TMPRSS11D: variants seen among roughly 807,000 people sequenced by gnomAD.
TMPRSS11D encodes the protein transmembrane protease serine 11D.
A neutral mutation model predicts 44.4 loss-of-function variants in TMPRSS11D; 32 were observed. The observed-to-expected ratio is 0.72, with a 90% CI of 0.54 to 0.97. The LOEUF (loss-of-function observed/expected upper bound fraction) is 0.97. Among genes scored for constraint, TMPRSS11D ranks in the 50% least tolerant of loss-of-function variants. The pLI, the probability that TMPRSS11D is intolerant of heterozygous loss-of-function variation, is 0.00. For missense variants in TMPRSS11D, 446 were observed against 502.6 expected (o/e 0.89, Z 1.08); for synonymous variants, 179 against 177.9 (o/e 1.01, Z -0.05).
intron 2 of TMPRSS11D, among the ~76,000 whole-genome samples, chr4:67,857,670 A>C (rs1353470843): frequency 3.3e-5 from 5 of 152,148 alleles, no homozygotes; most frequent in African/African-American, 9.7e-5. Flanking sequence ...TGATCTCATC[A>C]ATGTAGAGAG....
intron 3 of TMPRSS11D, among the ~76,000 whole-genome samples, chr4:67,848,750 T>C (rs983654837): frequency 2.0e-5 from 3 of 152,084 alleles, no homozygotes; most frequent in Non-Finnish European, 4.4e-5. Context: ...AGGTTGTACT[T>C]AAGGAATGAA....
intron 4 of TMPRSS11D, 109 bp downstream of exon 4, chr4:67,842,449 T>C: frequency 2.0e-6 from 2 of 1,023,896 alleles, no homozygotes; most frequent in Admixed American, 2.2e-5. Context: ...ATTTTCATAA[T>C]ATTACAACAA....
rs1044571798 is a variant in TMPRSS11D, at chr4:67,822,181, A to G, written c.*156T>C. 31 of 833,122 alleles carry G rather than the reference A, an allele frequency of 3.7e-5. No homozygotes were observed. Among genetic ancestry groups the G allele is most frequent in the Middle Eastern group, 7.6e-4 (2 of 2,616 alleles). 51.6% of individuals were successfully genotyped at this position (833,122 alleles called of 1,614,324 possible). On this transcript the variant is annotated 3_prime_UTR_variant, in exon 10 of 10. Coordinates refer to ENST00000283916, the MANE Select transcript of TMPRSS11D (RefSeq NM_004262.3). ...GAGAAAATAGAAAACCTTTAATAAT[A>G]AAGAAAGGTTAAACAGTGTTTGTTA...
At chr4:67,831,838 T>C (rs1443621337) in intron 7 of TMPRSS11D, among the ~76,000 whole-genome samples, 1 of 152,124 alleles carries the variant, frequency 6.6e-6, no homozygotes, top group African/African-American at 2.4e-5. Context: ...CATATAAAAA[T>C]ATTAAGTCAT....
chr4:67,845,059 G>A (rs969492191), intron 3 of TMPRSS11D, among the ~76,000 whole-genome samples: 4 of 152,120 alleles, frequency 2.6e-5, no homozygotes, highest in South Asian at 2.1e-4. Context: ...TTCATGATTT[G>A]GCATTGCACT....
Position 67,825,698 on chromosome 4 carries a change from G to A in TMPRSS11D, c.1095+34C>T, listed in dbSNP as rs760139556. The A allele has an allele frequency of 2.1e-5, 34 of 1,608,504 alleles. No individual in the cohort carries two copies. In the Admixed American group the frequency reaches 3.5e-4, roughly 17 times the overall value. ...CTAGGAAGTGCTTATACACTTCTTG[G>A]ATGATGACATGGATGAGATTGTCTT... On this transcript the variant is annotated intron_variant, in intron 9 of 9. Transcript: ENST00000283916.
chr4:67,855,584 C>T (rs1015618707), intron 2 of TMPRSS11D, among the ~76,000 whole-genome samples: 4 of 152,098 alleles, frequency 2.6e-5, no homozygotes, highest in African/African-American at 9.7e-5. Context: ...CCACAGCTAA[C>T]ATTTTACCAA....
At position 67,842,439 on chromosome 4, in the gene TMPRSS11D, A is replaced by G. The variant is rs1055626798; in HGVS notation, c.317+119T>C. The G allele has an allele frequency of 2.2e-5, 21 of 949,476 alleles. No homozygotes were observed. In the African/African-American group the frequency reaches 2.7e-4, roughly 12 times the overall value. 58.8% of individuals were successfully genotyped at this position (949,476 alleles called of 1,614,324 possible). On this transcript the variant is annotated intron_variant, in intron 4 of 9. Transcript: ENST00000283916. ...TGGTTTTTAAGCTGACTAAAATACT[A>G]TTTTCATAATATTACAACAACTTAT...
At chr4:67,861,753 CAACA>C (rs1718795624) in intron 1 of TMPRSS11D, among the ~76,000 whole-genome samples, 1 of 152,048 alleles carries the variant, frequency 6.6e-6, no homozygotes, top group Non-Finnish European at 1.5e-5. Context: ...ACATATGACT[CAACA>C]AACAAAGGGT....
chr4:67,827,105 T>G lies in TMPRSS11D; in HGVS notation c.952+156A>C, dbSNP rs1178769695. On this transcript the variant is annotated intron_variant, in intron 8 of 9. Transcript: ENST00000283916. The stretch of plus-strand genomic sequence containing the variant: ...CATTGCTTTGCTTTGCTAAGGAGAC[T>G]CAGGGGTAGCCAGAGCTTGGGCTGA... Among the ~76,000 whole-genome samples, 6 of 152,156 alleles carry G rather than the reference T, an allele frequency of 3.9e-5. No individual in the cohort carries two copies. The East Asian group carries it at 1.2e-3, about 29-fold the overall frequency.
At chr4:67,823,157 G>A (rs1318707133) in intron 9 of TMPRSS11D, among the ~76,000 whole-genome samples, 1 of 152,192 alleles carries the variant, frequency 6.6e-6, no homozygotes, top group Non-Finnish European at 1.5e-5. Context: ...TTGAATGAAT[G>A]AGTTTCTAGA....
chr4:67,829,200 ATAGT>A (rs1717880602), intron 7 of TMPRSS11D, among the ~76,000 whole-genome samples: 1 of 152,078 alleles, frequency 6.6e-6, no homozygotes, highest in Non-Finnish European at 1.5e-5. Context: ...CTGCATTGAC[ATAGT>A]TAAATTCTCA....
intron 9 of TMPRSS11D, among the ~76,000 whole-genome samples, chr4:67,824,602 C>T (rs1478303331): frequency 6.6e-6 from 1 of 152,062 alleles, no homozygotes; most frequent in Non-Finnish European, 1.5e-5. Context: ...CAAATCTCCA[C>T]CTACACACAA....
chr4:67,839,303 T>G (rs1394901690), intron 4 of TMPRSS11D, among the ~76,000 whole-genome samples: 3 of 152,166 alleles, frequency 2.0e-5, no homozygotes, highest in Non-Finnish European at 4.4e-5. Flanking sequence ...AAACAGGCAC[T>G]GAACAAATAA....
At chr4:67,871,413 C>T (rs1208656731) in intron 1 of TMPRSS11D, among the ~76,000 whole-genome samples, 2 of 152,164 alleles carry the variant, frequency 1.3e-5, no homozygotes, top group African/African-American at 4.8e-5. Context: ...TCATCTTCCT[C>T]CAGCAATGGT....
At chr4:67,879,075 G>A (rs1719260054) in intron 1 of TMPRSS11D, among the ~76,000 whole-genome samples, 2 of 152,136 alleles carry the variant, frequency 1.3e-5, no homozygotes, top group African/African-American at 4.8e-5. Flanking sequence ...TCCAGTGAAT[G>A]ACAGTGGACT....
chr4:67,848,688 G>T (rs762401501), intron 3 of TMPRSS11D, among the ~76,000 whole-genome samples: 15 of 152,322 alleles, frequency 9.8e-5, no homozygotes, highest in South Asian at 2.1e-4. Context: ...GAAGGAAAAA[G>T]GCTCCTCAGC....
intron 2 of TMPRSS11D, among the ~76,000 whole-genome samples, chr4:67,857,250 T>A (rs1166149117): frequency 1.4e-5 from 2 of 142,686 alleles, no homozygotes; most frequent in African/African-American, 2.7e-5. Context: ...CATCAACAAA[T>A]GAACGGATAA....
chr4:67,860,631 G>T (rs1173171042), intron 1 of TMPRSS11D, among the ~76,000 whole-genome samples: 1 of 151,964 alleles, frequency 6.6e-6, no homozygotes, highest in African/African-American at 2.4e-5. Context: ...GAATGCTTGG[G>T]TGATATAGGT....
Sources: gnomAD v4.1 joint callset for allele counts (sites outside exome capture counted in the v4.1 genomes callset) on GRCh38, gnomAD v4.1.1 for gene constraint, MANE v1.5 for transcripts, NCBI Gene and HGNC (gene_info 2026-07-23, HGNC 2026-07-21) for gene names.